TMEM116: variants seen among roughly 807,000 people sequenced by gnomAD.
The protein encoded by TMEM116 is transmembrane protein 116.
A neutral mutation model predicts 44.3 loss-of-function variants in TMEM116; 38 were observed. The ratio of observed to expected loss-of-function variants is 0.86; its 90% CI spans 0.66 to 1.12. The LOEUF is 1.12. TMEM116 is among the 50% of genes most tolerant of loss of function. TMEM116 has a pLI of 0.00. For synonymous variants in TMEM116, 132 were observed against 144.8 expected (o/e 0.91, Z 0.64); for missense variants, 354 against 401.7 (o/e 0.88, Z 1.01).
intron 4 of TMEM116, among the ~76,000 whole-genome samples, chr12:111,969,357 A>G (rs1301535988): frequency 6.6e-6 from 1 of 151,070 alleles, no homozygotes; most frequent in African/African-American, 2.4e-5. Flanking sequence ...AAACTGCTAG[A>G]GGCAAAAACT....
At chr12:111,938,247 A>AT in intron 5 of TMEM116, 37 bp from the exon 6 acceptor site, 3 of 1,415,480 alleles carry the variant, frequency 2.1e-6, no homozygotes, top group Non-Finnish European at 2.9e-6. Context: ...GTCTTAAGAC[A>AT]TTGTCAATCA....
At chr12:111,981,339 G>A (rs2075929149) in intron 4 of TMEM116, among the ~76,000 whole-genome samples, 1 of 152,156 alleles carries the variant, frequency 6.6e-6, no homozygotes, top group Non-Finnish European at 1.5e-5. Flanking sequence ...TGGTAAGAGA[G>A]TGTTATGGCA....
At chr12:111,978,400 A>C (rs2075780568) in intron 4 of TMEM116, among the ~76,000 whole-genome samples, 1 of 144,484 alleles carries the variant, frequency 6.9e-6, no homozygotes, top group African/African-American at 2.6e-5. Context: ...TCATTTCAAA[A>C]AAAAGAAAAA....
chr12:112,000,696 T>G (rs2077203833), intron 3 of TMEM116: 1 of 520,842 alleles, frequency 1.9e-6, no homozygotes, highest in Non-Finnish European at 3.9e-6. Context: ...TAATAACTTC[T>G]GCTAGCATCT....
chr12:111,943,389 AC>A lies in TMEM116; in HGVS notation c.211-21del. The A allele has an allele frequency of 6.6e-7, 1 of 1,526,602 alleles. No individual in the cohort carries two copies. The highest frequency in any genetic ancestry group is 1.1e-5 in the South Asian group (1 of 89,328). The allele number at this position is 1,526,602 out of a possible 1,614,324, so 94.6% of individuals were successfully genotyped here. A position where few individuals can be genotyped will look rare whatever the true frequency, so the allele number is the denominator to read the frequency against. ...GAATATCTAGGTTAAAATCAAAACAACCCATCATAACTATCTCACTCTGACA... is the reference window on the plus strand; with the variant it reads ...GAATATCTAGGTTAAAATCAAAACAACCATCATAACTATCTCACTCTGACA... On this transcript the variant is annotated intron_variant, in intron 4 of 10. Coordinates refer to ENST00000552374, the MANE Select transcript of TMEM116 (RefSeq NM_001193531.2).
chr12:111,956,481 A>T (rs1018558127), intron 4 of TMEM116, among the ~76,000 whole-genome samples: 3 of 152,256 alleles, frequency 2.0e-5, no homozygotes, highest in Non-Finnish European at 1.5e-5. Flanking sequence ...TAGCATCAAC[A>T]TCAAAAAATA....
intron 4 of TMEM116, among the ~76,000 whole-genome samples, chr12:111,988,867 C>T (rs2076383566): frequency 6.6e-6 from 1 of 151,806 alleles, no homozygotes; most frequent in Non-Finnish European, 1.5e-5. Context: ...TGGCGGGCGC[C>T]TGTAATCCCA....
chr12:112,004,431 T>C (rs966324482), intron 2 of TMEM116, among the ~76,000 whole-genome samples: 1 of 151,628 alleles, frequency 6.6e-6, no homozygotes, highest in Non-Finnish European at 1.5e-5. Context: ...ACTACGGGCA[T>C]CTGCTACCAT....
intron 8 of TMEM116, chr12:111,936,414 T>A (rs1416562629): frequency 3.5e-6 from 1 of 283,184 alleles, no homozygotes; most frequent in Non-Finnish European, 6.5e-6. Context: ...ACATATGAGT[T>A]TTCTGGCCAT....
Position 111,952,176 on chromosome 12 carries a change from C to CCAAG in TMEM116, c.211-8811_211-8808dup, listed in dbSNP as rs1472230632. On this transcript the variant is annotated intron_variant, in intron 4 of 10. Coordinates refer to ENST00000552374, the MANE Select transcript of TMEM116 (RefSeq NM_001193531.2). The stretch of plus-strand genomic sequence containing the variant: ...CCTGGAAGATGGAGATTGCAGTGAG[C>CCAAG]CAAGATTGAGCCACTGCACTCCAGC... Among the ~76,000 whole-genome samples the CCAAG allele has an allele frequency of 1.1e-4, 17 of 152,218 alleles. 1 individual carries two copies. In the East Asian group the frequency reaches 1.7e-3, roughly 16 times the overall value.
intron 4 of TMEM116, among the ~76,000 whole-genome samples, chr12:111,970,331 G>C (rs2075260184): frequency 6.6e-6 from 1 of 151,600 alleles, no homozygotes; most frequent in Non-Finnish European, 1.5e-5. Flanking sequence ...TGGAAAACAT[G>C]GGGGAAAAAA....
At position 112,003,805 on chromosome 12, in the gene TMEM116, G is replaced by T; in HGVS notation, c.73C>A (p.Pro25Thr). 6.6e-7 allele frequency: 1 copy of T among 1,512,572 alleles called. No individual in the cohort carries two copies. Among genetic ancestry groups the T allele is most frequent in the Non-Finnish European group, 8.8e-7 (1 of 1,139,986 alleles). 93.7% of individuals were successfully genotyped at this position (1,512,572 alleles called of 1,614,324 possible). A position where few individuals can be genotyped will look rare whatever the true frequency, so the allele number is the denominator to read the frequency against. Reference sequence around the variant, plus strand: ...CACAAAGAGAAATCACTCACCTCTGGAGATTTCTGTATATTATGGAATACA... The same window carrying T: ...CACAAAGAGAAATCACTCACCTCTGTAGATTTCTGTATATTATGGAATACA... ...YAVFHNIQKS[P>T]EIRPLFYLSF... Residue 25 changes from proline (P) to threonine (T), a missense_variant, in exon 3 of 11, where the codon CCA (proline) becomes ACA (threonine). By Grantham distance (38) the Pro-to-Thr change is conservative. Transcript: ENST00000552374.
At chr12:111,943,408 C>CAGTG in intron 4 of TMEM116, 39 bp from the exon 5 acceptor site, 1 of 1,416,504 alleles carries the variant, frequency 7.1e-7, no homozygotes, top group Non-Finnish European at 1.0e-6. Context: ...AACTATCTCA[C>CAGTG]TCTGACACTG....
At chr12:111,988,706 A>G (rs1417491119) in intron 4 of TMEM116, among the ~76,000 whole-genome samples, 2 of 150,398 alleles carry the variant, frequency 1.3e-5, no homozygotes, top group African/African-American at 2.5e-5. Context: ...TCAAAAAACG[A>G]ACAGGCCGGG....
At position 111,953,971 on chromosome 12, in the gene TMEM116, T is replaced by C. The variant is rs955212419; in HGVS notation, c.211-10602A>G. Among the ~76,000 whole-genome samples, 7 of 152,168 alleles carry C rather than the reference T, an allele frequency of 4.6e-5. No individual in the cohort carries two copies. In the South Asian group the frequency reaches 1.0e-3, roughly 22 times the overall value. ...ATAGAAAATAGTTTCCAATAAAGCA[T>C]AAAAATACTATCATATTTTCATTTA... On this transcript the variant is annotated intron_variant, in intron 4 of 10. Transcript: ENST00000552374.
intron 4 of TMEM116, among the ~76,000 whole-genome samples, chr12:111,974,448 G>A (rs1465947946): frequency 6.6e-6 from 1 of 151,948 alleles, no homozygotes; most frequent in Non-Finnish European, 1.5e-5. Context: ...TCAGGAGTTC[G>A]AGACCAGCCT....
At chr12:111,948,259 GA>G (rs1175263107) in intron 4 of TMEM116, among the ~76,000 whole-genome samples, 15 of 152,202 alleles carry the variant, frequency 9.9e-5, no homozygotes, top group African/African-American at 3.6e-4. Context: ...GCCCATCCAG[GA>G]AAGAAATAGT....
intron 1 of TMEM116, chr12:112,005,625 G>A (rs1053955396): frequency 1.1e-6 from 1 of 892,968 alleles, no homozygotes; most frequent in African/African-American, 1.8e-5. Flanking sequence ...ACTTTGAGAG[G>A]CTGAGGTAAG....
chr12:111,939,516 G>C (rs566252817), intron 5 of TMEM116, among the ~76,000 whole-genome samples: 19 of 151,414 alleles, frequency 1.3e-4, no homozygotes, highest in African/African-American at 4.4e-4. Context: ...AGAGAACTCA[G>C]GCCTAACACA....
Sources: gnomAD v4.1 joint callset for allele counts (sites outside exome capture counted in the v4.1 genomes callset) on GRCh38, gnomAD v4.1.1 for gene constraint, MANE v1.5 for transcripts, NCBI Gene and HGNC (gene_info 2026-07-23, HGNC 2026-07-21) for gene names.